Variants in BCAM observed in about 807,000 individuals in gnomAD.
BCAM encodes the protein basal cell adhesion molecule (Lutheran blood group).
A neutral mutation model predicts 72.4 loss-of-function variants in BCAM; 61 were observed. That is an observed-to-expected ratio of 0.84 (90% confidence interval 0.69 to 1.04). The LOEUF (loss-of-function observed/expected upper bound fraction) is 1.04, where lower values mean the gene tolerates loss of function less well. BCAM is among the 50% of genes least tolerant of loss of function. The pLI is 0.00. For synonymous variants in BCAM, 408 were observed against 384.2 expected (o/e 1.06, Z -0.73); for missense variants, 909 against 895.0 (o/e 1.02, Z -0.20).
Position 44,809,118 on chromosome 19 carries a change from C to T in BCAM, c.-7C>T. On this transcript the variant is annotated 5_prime_UTR_variant, in exon 1 of 15. Transcript: ENST00000270233. ...GCCCGGGCTCAGTCTCCGCCGCCGCCGTGAACATGGAGCCCCCGGACGCAC... is the reference window on the plus strand; with the variant it reads ...GCCCGGGCTCAGTCTCCGCCGCCGCTGTGAACATGGAGCCCCCGGACGCAC... 2.8e-6 allele frequency: 4 copies of T among 1,439,048 alleles called. No homozygotes were observed. The highest frequency in any genetic ancestry group is 3.6e-6 in the Non-Finnish European group (4 of 1,097,808). 89.1% of individuals were successfully genotyped at this position (1,439,048 alleles called of 1,614,324 possible).
In BCAM at chr19:44,813,092, G is replaced by A. The variant is rs1968448523; in HGVS notation, c.505-158G>A. The A allele has an allele frequency of 6.5e-6, 5 of 764,234 alleles. No homozygotes were observed. The highest frequency in any genetic ancestry group is 7.7e-4 in the Middle Eastern group (2 of 2,614). 47.3% of individuals were successfully genotyped at this position (764,234 alleles called of 1,614,324 possible). A position where few individuals can be genotyped will look rare whatever the true frequency, so the allele number is the denominator to read the frequency against. The stretch of plus-strand genomic sequence containing the variant: ...TGGTGCTGGAGGCCTGGACTCTTTA[G>A]TCTGAGTCGGGGACTAGGAATTTGG... On this transcript the variant is annotated intron_variant, in intron 4 of 14. Coordinates refer to ENST00000270233, the MANE Select transcript of BCAM (RefSeq NM_005581.5). The surrounding 1 kb of genome is among the most constrained non-coding windows in gnomAD (Gnocchi z 4.2).
rs1968543616 is a variant in BCAM at position 44,819,161 on chromosome 19, C to G, written c.1442C>G (p.Pro481Arg). ...TGCTCTGCCCGCGGCCATCCAGACC[C>G]CAAACTCAGCTGGAGCCAATTGGGG... ...LICSARGHPD[P>R]KLSWSQLGGS... is the part of the protein sequence containing the mutation. Residue 481 changes from proline to arginine, a missense_variant, in exon 11 of 15, where the codon CCC (proline) becomes CGC (arginine). Physicochemically the swap from Pro to Arg is moderately radical, Grantham distance 103. Coordinates refer to ENST00000270233, the MANE Select transcript of BCAM (RefSeq NM_005581.5). The G allele has an allele frequency of 6.2e-7, 1 of 1,613,974 alleles. No homozygotes were observed. The highest frequency in any genetic ancestry group is 1.3e-5 in the African/African-American group (1 of 74,890).
At position 44,812,271 on chromosome 19, in the gene BCAM, G is replaced by T. The variant is rs762093994; in HGVS notation, c.313G>T (p.Asp105Tyr). The change falls in exon 3 of 15, where the codon GAC becomes TAC. Residue 105 changes from aspartate (D) to tyrosine (Y), a missense_variant. Transcript: ENST00000270233. This position sits in a 1 kb window ranked among gnomAD's most constrained non-coding sequence, Gnocchi z 5.3. ...TRGRSPPYQL[D>Y]SQGRLVLAEA... ...GGGCCGCAGTCCCCCATACCAGCTG[G>T]ACTCCCAGGGGCGCCTGGTGCTGGC... is the stretch of plus-strand genomic sequence containing the variant. 1 of 1,610,528 alleles carries T rather than the reference G, an allele frequency of 6.2e-7. No homozygotes were observed. Among genetic ancestry groups the T allele is most frequent in the Non-Finnish European group, 8.5e-7 (1 of 1,178,090 alleles).
intron 14 of BCAM, 25 bp from the exon 15 acceptor site, chr19:44,820,891 G>C (rs1467629210): frequency 6.4e-7 from 1 of 1,558,786 alleles, no homozygotes; most frequent in Non-Finnish European, 8.7e-7. Flanking sequence ...GTGGGCACAG[G>C]CTGACCTCTC....
Position 44,813,265 on chromosome 19 carries a change from A to T in BCAM, c.520A>T (p.Ser174Cys). ...DSAQEIATCN[S>C]RNGNPAPKIT... Reference sequence around the variant, plus strand: ...TCTGCCTCAGATCGCCACCTGCAACAGCCGGAACGGGAACCCGGCCCCCAA... The same window carrying T: ...TCTGCCTCAGATCGCCACCTGCAACTGCCGGAACGGGAACCCGGCCCCCAA... Residue 174 changes from serine (S) to cysteine (C), a missense_variant, in exon 5 of 15, where the codon AGC becomes TGC. By Grantham distance (112) the Ser-to-Cys change is moderately radical. Transcript: ENST00000270233. This position sits in a 1 kb window ranked among gnomAD's most constrained non-coding sequence, Gnocchi z 4.2. 1.9e-6 allele frequency: 3 copies of T among 1,614,074 alleles called. No homozygotes were observed. The highest frequency in any genetic ancestry group is 1.7e-6 in the Non-Finnish European group (2 of 1,180,002).
chr19:44,819,834 C>T, intron 13 of BCAM, 108 bp downstream of exon 13: 1 of 1,433,144 alleles, frequency 7.0e-7, no homozygotes, highest in Non-Finnish European at 9.1e-7. Context: ...CACCCCACAT[C>T]CCACCACATC....
chr19:44,818,477 G>C lies in BCAM; in HGVS notation c.1079-45G>C. 6.4e-7 allele frequency: 1 copy of C among 1,554,968 alleles called. No individual in the cohort carries two copies. The highest frequency in any genetic ancestry group is 8.8e-7 in the Non-Finnish European group (1 of 1,131,142). ...CCGCCCCTGGAGAGCCCCTAATTGA[G>C]TGGGTGGCGGTCTGGGACGAGTGAC... On this transcript the variant is annotated intron_variant, in intron 8 of 14. Transcript: ENST00000270233. This position sits in a 1 kb window ranked among gnomAD's most constrained non-coding sequence, Gnocchi z 4.6.
In BCAM at chr19:44,814,907, T is replaced by G. The variant is rs1968483670; in HGVS notation, c.1078+147T>G. 12 of 963,444 alleles carry G rather than the reference T, an allele frequency of 1.2e-5. No homozygotes were observed. Among genetic ancestry groups the G allele is most frequent in the South Asian group, 3.1e-5 (1 of 31,792 alleles). The allele number at this position is 963,444 out of a possible 1,614,324, so 59.7% of individuals were successfully genotyped here. On this transcript the variant is annotated intron_variant, in intron 8 of 14. Transcript: ENST00000270233. This position sits in a 1 kb window ranked among gnomAD's most constrained non-coding sequence, Gnocchi z 4.6. ...TGCATTTCTTGGGGGTTTTTTTGGT[T>G]GTTTTTTTTTTTTTTTTTTTCCCAG...
chr19:44,816,084 G>A (rs1002563096), intron 8 of BCAM, among the ~76,000 whole-genome samples: 1 of 152,090 alleles, frequency 6.6e-6, no homozygotes, highest in Middle Eastern at 3.2e-3. Context: ...TTGGGAGGCC[G>A]AGGTGGGTGG....
At position 44,813,274 on chromosome 19, in the gene BCAM, G is replaced by T; in HGVS notation, c.529G>T (p.Gly177Trp). 6.2e-7 allele frequency: 1 copy of T among 1,614,136 alleles called. No individual in the cohort carries two copies. Among genetic ancestry groups the T allele is most frequent in the South Asian group, 1.1e-5 (1 of 91,074 alleles). ...GATCGCCACCTGCAACAGCCGGAAC[G>T]GGAACCCGGCCCCCAAGATCACGTG... Reference protein sequence around the residue: ...QEIATCNSRNGNPAPKITWYR... With the variant: ...QEIATCNSRNWNPAPKITWYR... The change falls in exon 5 of 15, where the codon GGG (glycine) becomes TGG (tryptophan). Residue 177 changes from glycine to tryptophan, a missense_variant. Physicochemically the swap from Gly to Trp is radical, Grantham distance 184. Transcript: ENST00000270233. This position sits in a 1 kb window ranked among gnomAD's most constrained non-coding sequence, Gnocchi z 4.2.
chr19:44,818,822 G>A lies in BCAM; in HGVS notation c.1276G>A (p.Ala426Thr). Residue 426 changes from alanine (A) to threonine (T), a missense_variant, in exon 10 of 15, where the codon GCC becomes ACC. By Grantham distance (58) the Ala-to-Thr change is moderately conservative. Coordinates refer to ENST00000270233, the MANE Select transcript of BCAM (RefSeq NM_005581.5). The surrounding 1 kb of genome is among the most constrained non-coding windows in gnomAD (Gnocchi z 4.6). ...FDSNGTYVCE[A>T]SLPTVPVLSR... ...TTCCAATGGCACCTACGTATGTGAG[G>A]CCTCCCTGCCCACAGTCCCGGTCCT... The A allele has an allele frequency of 6.2e-7, 1 of 1,614,046 alleles. No homozygotes were observed. The highest frequency in any genetic ancestry group is 8.5e-7 in the Non-Finnish European group (1 of 1,179,988).
Position 44,818,922 on chromosome 19 carries a change from G to A in BCAM, c.1336+40G>A. The A allele has an allele frequency of 6.2e-7, 1 of 1,605,760 alleles. No individual in the cohort carries two copies. Among genetic ancestry groups the A allele is most frequent in the Non-Finnish European group, 8.5e-7 (1 of 1,175,922 alleles). Reference sequence around the variant, plus strand: ...GAGGGGGTGGGCTTGGATGGGGACAGTGTGGGGTGTGGGACCTGGACAAAC... The same window carrying A: ...GAGGGGGTGGGCTTGGATGGGGACAATGTGGGGTGTGGGACCTGGACAAAC... On this transcript the variant is annotated intron_variant, in intron 10 of 14. Coordinates refer to ENST00000270233, the MANE Select transcript of BCAM (RefSeq NM_005581.5). This position sits in a 1 kb window ranked among gnomAD's most constrained non-coding sequence, Gnocchi z 4.6.
intron 8 of BCAM, among the ~76,000 whole-genome samples, chr19:44,816,932 CTG>C (rs1388037993): frequency 6.7e-6 from 1 of 149,506 alleles, no homozygotes; most frequent in Non-Finnish European, 1.5e-5. Context: ...GAGCAAGAGT[CTG>C]TCTCAAAGAA....
At chr19:44,815,499 G>A (rs778272151) in intron 8 of BCAM, among the ~76,000 whole-genome samples, 149 of 152,184 alleles carry the variant, frequency 9.8e-4, no homozygotes, top group Non-Finnish European at 8.8e-4. Flanking sequence ...TAACAGTAGT[G>A]TATCTACAGG....
At position 44,811,126 on chromosome 19, in the gene BCAM, G is replaced by T. The variant is rs185795793; in HGVS notation, c.83-99G>T. On this transcript the variant is annotated intron_variant, in intron 1 of 14. Coordinates refer to ENST00000270233, the MANE Select transcript of BCAM (RefSeq NM_005581.5). Reference sequence around the variant, plus strand: ...GACTCCTGGGTCTGAGGGAGGAGGGGCTGGGACCTGGACGCTTGTGTCCTG... The same window carrying T: ...GACTCCTGGGTCTGAGGGAGGAGGGTCTGGGACCTGGACGCTTGTGTCCTG... 2.8e-4 allele frequency: 433 copies of T among 1,571,244 alleles called. 2 individuals are homozygous for T. In the African/African-American group the frequency reaches 5.5e-3, roughly 20 times the overall value.
intron 1 of BCAM, 54 bp downstream of exon 1, chr19:44,809,260 C>T (rs1199602914): frequency 7.4e-7 from 1 of 1,344,488 alleles, no homozygotes; most frequent in Non-Finnish European, 9.6e-7. Flanking sequence ...CTGGGGACCC[C>T]GGGAAAGCGA....
rs202197561 is a variant in BCAM at position 44,820,840 on chromosome 19, C to T, written c.1881+18C>T. 8.2e-5 allele frequency: 125 copies of T among 1,520,614 alleles called. No individual in the cohort carries two copies. In the East Asian group the frequency reaches 2.4e-3, roughly 30 times the overall value. 94.2% of individuals were successfully genotyped at this position (1,520,614 alleles called of 1,614,324 possible). On this transcript the variant is annotated intron_variant, in intron 14 of 14. Transcript: ENST00000270233. Reference sequence around the variant, plus strand: ...GAGACGAGGTGGGTGAGGGCCTGGGCCCCCTGGTGAGAGGGACCTGCTGGG... The same window carrying T: ...GAGACGAGGTGGGTGAGGGCCTGGGTCCCCTGGTGAGAGGGACCTGCTGGG...
Position 44,817,022 on chromosome 19 carries a change from G to A in BCAM, c.1079-1500G>A, listed in dbSNP as rs377475902. Among the ~76,000 whole-genome samples, 19 of 152,128 alleles carry A rather than the reference G, an allele frequency of 1.2e-4. No individual in the cohort carries two copies. In the East Asian group the frequency reaches 1.5e-3, roughly 12 times the overall value. ...GGAGGCAGAGGCGGGCAGATCATGA[G>A]GTCAGGAGTTTGAGACCATCCTGGC... is the stretch of plus-strand genomic sequence containing the variant. On this transcript the variant is annotated intron_variant, in intron 8 of 14. Coordinates refer to ENST00000270233, the MANE Select transcript of BCAM (RefSeq NM_005581.5).
rs749683421 is a variant in BCAM at position 44,813,535 on chromosome 19, C to T, written c.699C>T (p.Ala233=). The change falls in exon 6 of 15, where the codon GCC becomes GCT. Residue 233 remains alanine (A), a synonymous_variant. Coordinates refer to ENST00000270233, the MANE Select transcript of BCAM (RefSeq NM_005581.5). This position sits in a 1 kb window ranked among gnomAD's most constrained non-coding sequence, Gnocchi z 4.2. ...GGCTCCGCAAGGATGACCGAGACGC[C>T]AGCTTCCACTGCGCCGCCCACTACA... ...YLRLRKDDRD[A]SFHCAAHYSL... The T allele has an allele frequency of 2.1e-5, 34 of 1,612,708 alleles. No individual in the cohort carries two copies. Among genetic ancestry groups the T allele is most frequent in the Non-Finnish European group, 2.9e-5 (34 of 1,179,926 alleles).
Sources: allele counts gnomAD v4.1 joint callset (sites outside exome capture counted in the v4.1 genomes callset), GRCh38; gene constraint gnomAD v4.1.1; non-coding constraint Gnocchi (gnomAD v3.1); transcripts MANE v1.5; gene names NCBI Gene and HGNC (gene_info 2026-07-23, HGNC 2026-07-21).